Variants in CAPN14 observed in about 807,000 individuals in gnomAD.
CAPN14 encodes calpain 14.
CAPN14 carries 94 observed loss-of-function variants against 101.3 expected under a neutral mutation model. The ratio of observed to expected loss-of-function variants is 0.93; its 90% CI spans 0.79 to 1.10. CAPN14 has a LOEUF of 1.10. Among genes scored for constraint, CAPN14 ranks in the 50% least tolerant of loss-of-function variants. The pLI, the probability that CAPN14 is intolerant of heterozygous loss-of-function variation, is 0.00. For synonymous variants in CAPN14, 338 were observed against 317.9 expected (o/e 1.06, Z -0.67); for missense variants, 837 against 828.4 (o/e 1.01, Z -0.13).
At chr2:31,190,130 A>T (rs1681105270) in intron 12 of CAPN14, among the ~76,000 whole-genome samples, 1 of 114,234 alleles carries the variant, frequency 8.8e-6, no homozygotes. Flanking sequence ...GCTTTATCTG[A>T]TTCATATTCT....
intron 12 of CAPN14, among the ~76,000 whole-genome samples, chr2:31,190,603 A>C (rs1681130757): frequency 6.6e-6 from 1 of 152,078 alleles, no homozygotes; most frequent in African/African-American, 2.4e-5. Context: ...CTCTGTTTAC[A>C]GTTTTTTATT....
intron 16 of CAPN14, among the ~76,000 whole-genome samples, chr2:31,181,510 C>CTTTT (rs11409068): frequency 8.3e-6 from 1 of 120,648 alleles, no homozygotes; most frequent in African/African-American, 2.9e-5. Flanking sequence ...TTCTTTCTTT[C>CTTTT]TTTTTTTTAT....
chr2:31,227,655 C>CG (rs1280074547), intron 1 of CAPN14, among the ~76,000 whole-genome samples: 3 of 152,152 alleles, frequency 2.0e-5, no homozygotes, highest in Admixed American at 2.0e-4. Context: ...GTTTCTCTTA[C>CG]CCTGGTTTCA....
intron 3 of CAPN14, among the ~76,000 whole-genome samples, chr2:31,202,512 C>T (rs1461669223): frequency 1.3e-5 from 2 of 152,072 alleles, no homozygotes; most frequent in Non-Finnish European, 2.9e-5. Context: ...TCCTGAATGC[C>T]CTATCCTCAG....
intron 1 of CAPN14, 25 bp from the exon 2 acceptor site, chr2:31,205,524 T>C (rs929941010): frequency 3.4e-6 from 4 of 1,167,678 alleles, no homozygotes; most frequent in Admixed American, 2.0e-5. Context: ...GGACGGTCAG[T>C]TTCCTCACTT....
At position 31,181,020 on chromosome 2, in the gene CAPN14, T is replaced by A; in HGVS notation, c.1646-20A>T. 1 of 1,550,022 alleles carries A rather than the reference T, an allele frequency of 6.5e-7. No homozygotes were observed. Among genetic ancestry groups the A allele is most frequent in the African/African-American group, 1.4e-5 (1 of 73,016 alleles). On this transcript the variant is annotated intron_variant, in intron 16 of 21. Transcript: ENST00000403897. ...CCAGACCTGTGAAGGAGCGAAAGAG[T>A]CCACATGGGGGCTGGCCCCAGGTCT...
intron 1 of CAPN14, among the ~76,000 whole-genome samples, chr2:31,206,957 G>GT (rs931355756): frequency 1.4e-4 from 22 of 152,152 alleles, no homozygotes; most frequent in African/African-American, 5.3e-4. Flanking sequence ...AGTTTAGAGG[G>GT]TGGGAGAGCG....
intron 12 of CAPN14, chr2:31,189,694 T>G: frequency 1.5e-6 from 1 of 660,748 alleles, no homozygotes; most frequent in African/African-American, 1.8e-5. Flanking sequence ...AGGGGCTACA[T>G]AAACACGTGT....
rs150527604 is a variant in CAPN14 at position 31,207,576 on chromosome 2, G to T, written c.-52-2077C>A. 4.4e-3 allele frequency among the ~76,000 whole-genome samples: 666 copies of T among 152,186 alleles called. 6 individuals carry two copies. Among genetic ancestry groups the T allele is most frequent in the African/African-American group, 0.015 (640 of 41,520 alleles). ...TGAGCCCAGAAGTTCGATACCAGCTGGGGCAACATGGCAAAACTTCGTCTA... is the reference window on the plus strand; with the variant it reads ...TGAGCCCAGAAGTTCGATACCAGCTTGGGCAACATGGCAAAACTTCGTCTA... On this transcript the variant is annotated intron_variant, in intron 1 of 21. Coordinates refer to ENST00000403897, the MANE Select transcript of CAPN14 (RefSeq NM_001145122.2).
intron 8 of CAPN14, 70 bp from the exon 9 acceptor site, chr2:31,194,553 G>A: frequency 1.0e-6 from 1 of 987,500 alleles, no homozygotes; most frequent in Non-Finnish European, 1.6e-6. Context: ...AGGCTCTATA[G>A]TGTCATTATT....
chr2:31,223,456 A>T (rs1682919408), intron 2 of CAPN14, among the ~76,000 whole-genome samples: 1 of 151,972 alleles, frequency 6.6e-6, no homozygotes, highest in Non-Finnish European at 1.5e-5. Flanking sequence ...TCAGTTCAAC[A>T]TCCTACCCTT....
chr2:31,224,771 T>C (rs1682971024), intron 2 of CAPN14, among the ~76,000 whole-genome samples: 1 of 151,968 alleles, frequency 6.6e-6, no homozygotes, highest in Non-Finnish European at 1.5e-5. Context: ...AAATATTTCA[T>C]TTGTAATAAT....
At chr2:31,217,701 T>C (rs140056583), upstream of CAPN14, among the ~76,000 whole-genome samples, 2 of 152,260 alleles carry the variant, frequency 1.3e-5, no homozygotes, top group African/African-American at 4.8e-5. Context: ...TAGAACACCA[T>C]ACAGAGAAAG....
intron 8 of CAPN14, among the ~76,000 whole-genome samples, 176 bp from the exon 9 acceptor site, chr2:31,194,659 A>G (rs1681377854): frequency 6.6e-6 from 1 of 152,230 alleles, no homozygotes; most frequent in South Asian, 2.1e-4. Context: ...TGAGCCAAGC[A>G]CTGGGCTAGA....
intron 20 of CAPN14, among the ~76,000 whole-genome samples, 163 bp from the exon 21 acceptor site, chr2:31,176,805 G>A (rs1680315262): frequency 6.6e-6 from 1 of 152,204 alleles, no homozygotes; most frequent in Non-Finnish European, 1.5e-5. Flanking sequence ...TATGATAAGT[G>A]AGCCACTTCA....
chr2:31,183,206 C>A lies in CAPN14; in HGVS notation c.1646-2206G>T, dbSNP rs1368806799. 3.3e-5 allele frequency among the ~76,000 whole-genome samples: 5 copies of A among 151,780 alleles called. No homozygotes were observed. In the South Asian group the frequency reaches 6.2e-4, roughly 19 times the overall value. On this transcript the variant is annotated intron_variant, in intron 16 of 21. Transcript: ENST00000403897. ...TAATTCAAGATGGATTAAAGACTTA[C>A]ATGTTAGACCTAAAACCATAAAAAC...
Position 31,232,117 on chromosome 2 carries a change from C to T in CAPN14, c.-177+1674G>A, listed in dbSNP as rs189098954. Among the ~76,000 whole-genome samples the T allele has an allele frequency of 3.9e-5, 6 of 152,308 alleles. No individual in the cohort carries two copies. In the East Asian group the frequency reaches 1.2e-3, roughly 29 times the overall value. Reference sequence around the variant, plus strand: ...GAAATCCCTGCAGCTTCACCACACTCCTCTTGAAGCTCCTGCAGGCACTTC... The same window carrying T: ...GAAATCCCTGCAGCTTCACCACACTTCTCTTGAAGCTCCTGCAGGCACTTC... On this transcript the variant is annotated intron_variant and NMD_transcript_variant, in intron 1 of 21. Coordinates refer to the CAPN14 transcript ENST00000398824.
At chr2:31,198,884 T>C (rs1681604605) in intron 7 of CAPN14, among the ~76,000 whole-genome samples, 1 of 152,234 alleles carries the variant, frequency 6.6e-6, no homozygotes, top group Admixed American at 6.5e-5. Flanking sequence ...TAAGAGACTC[T>C]TCTGACTTCT....
chr2:31,176,848 T>C (rs1680320649), intron 20 of CAPN14, among the ~76,000 whole-genome samples, 178 bp downstream of exon 20: 2 of 152,180 alleles, frequency 1.3e-5, no homozygotes, highest in Non-Finnish European at 2.9e-5. Flanking sequence ...CAGGAAAAGA[T>C]GAGTTTGGAT....
Sources: gnomAD v4.1 joint callset for allele counts (sites outside exome capture counted in the v4.1 genomes callset) on GRCh38, gnomAD v4.1.1 for gene constraint, MANE v1.5 for transcripts, NCBI Gene and HGNC (gene_info 2026-07-23, HGNC 2026-07-21) for gene names.